The following DCLK1 variants were observed in gnomAD, a reference collection of about 807,000 sequenced individuals.
DCLK1 encodes the protein doublecortin like kinase 1.
A neutral mutation model predicts 86.2 loss-of-function variants in DCLK1; 16 were observed. The ratio of observed to expected loss-of-function variants is 0.19; its 90% confidence interval spans 0.13 to 0.28. DCLK1 has a LOEUF of 0.28. DCLK1 is among the 10% of genes least tolerant of loss of function. DCLK1 has a pLI of 1.00. For missense variants in DCLK1, 590 were observed against 940.2 expected, an observed-to-expected ratio of 0.63 and a Z score of 4.87; for synonymous variants, 369 against 370.5, an observed-to-expected ratio of 1.00 and a Z score of 0.05.
chr13:35,823,290 A>G (rs962599490), intron 10 of DCLK1, among the ~76,000 whole-genome samples: 5 of 152,048 alleles, frequency 3.3e-5, no homozygotes, highest in African/African-American at 9.7e-5. Context: ...TCCTCCAGTG[A>G]GGAACAGGTA....
intron 4 of DCLK1, among the ~76,000 whole-genome samples, chr13:35,930,622 AAACAAAAAC>A (rs1270266355): frequency 6.6e-6 from 1 of 150,966 alleles, no homozygotes; most frequent in African/African-American, 2.5e-5. Context: ...AAACAAAAAC[AAACAAAAAC>A]AAAAAAAACA....
intron 8 of DCLK1, among the ~76,000 whole-genome samples, chr13:35,831,293 TA>T (rs1868940585): frequency 6.6e-6 from 1 of 152,252 alleles, no homozygotes; most frequent in East Asian, 1.9e-4. Flanking sequence ...AAATCCATAA[TA>T]AAAGCCACAT....
chr13:36,071,634 T>C (rs1217839312), intron 3 of DCLK1, among the ~76,000 whole-genome samples: 7 of 152,192 alleles, frequency 4.6e-5, no homozygotes, highest in African/African-American at 1.7e-4. Context: ...GTTATTTCAT[T>C]TAAGTCTCAT....
intron 5 of DCLK1, among the ~76,000 whole-genome samples, chr13:35,863,558 C>T (rs1207516561): frequency 6.6e-6 from 1 of 152,124 alleles, no homozygotes; most frequent in Non-Finnish European, 1.5e-5. Context: ...GAGGGATGAG[C>T]CTTACATGCA....
intron 4 of DCLK1, among the ~76,000 whole-genome samples, chr13:35,889,181 A>G (rs1247933283): frequency 7.9e-5 from 12 of 152,232 alleles, no homozygotes; most frequent in Non-Finnish European, 7.3e-5. Context: ...TCTCTTAGCA[A>G]CAGCAGGATT....
chr13:35,797,156 C>G (rs553442195), intron 15 of DCLK1, among the ~76,000 whole-genome samples: 1 of 152,292 alleles, frequency 6.6e-6, no homozygotes, highest in East Asian at 1.9e-4. Context: ...GCCGTATGAT[C>G]GGCACAGGCT....
intron 3 of DCLK1, among the ~76,000 whole-genome samples, chr13:36,005,510 T>C (rs9601892): frequency 0.15 from 22,483 of 152,120 alleles, 1,746 homozygotes; most frequent in Middle Eastern, 0.18. Flanking sequence ...AGAGAAACAA[T>C]AATAAAATCT....
chr13:36,095,319 TCTCAGC>T (rs930136808), intron 3 of DCLK1, among the ~76,000 whole-genome samples: 3 of 152,028 alleles, frequency 2.0e-5, no homozygotes, highest in Non-Finnish European at 4.4e-5. Context: ...GATTCTCATG[TCTCAGC>T]CTCCTGAGTA....
intron 3 of DCLK1, among the ~76,000 whole-genome samples, chr13:36,087,302 T>C (rs1349484435): frequency 6.6e-6 from 1 of 152,220 alleles, no homozygotes; most frequent in Non-Finnish European, 1.5e-5. Flanking sequence ...TTAAACACTC[T>C]ACATGATAGA....
chr13:35,891,965 C>T (rs1379780820), intron 4 of DCLK1, among the ~76,000 whole-genome samples: 1 of 152,090 alleles, frequency 6.6e-6, no homozygotes, highest in Non-Finnish European at 1.5e-5. Flanking sequence ...TATAATCTTA[C>T]CGCAATGCAG....
At chr13:36,080,621 T>C (rs1395039331) in intron 3 of DCLK1, among the ~76,000 whole-genome samples, 1 of 152,194 alleles carries the variant, frequency 6.6e-6, no homozygotes, top group African/African-American at 2.4e-5. Flanking sequence ...AAAAATAATT[T>C]ATTGATTCTT....
At chr13:35,839,656 T>C in intron 6 of DCLK1, among the ~76,000 whole-genome samples, 1 of 152,188 alleles carries the variant, frequency 6.6e-6, no homozygotes, top group East Asian at 1.9e-4. Context: ...ACCACAACTT[T>C]AGGAGAAAGG....
intron 10 of DCLK1, among the ~76,000 whole-genome samples, chr13:35,826,540 A>AGGAGGG (rs1382422000): frequency 9.7e-5 from 9 of 92,782 alleles, no homozygotes; most frequent in African/African-American, 2.9e-4. Context: ...AAAAAAAAAA[A>AGGAGGG]AAGAAAGAAA....
chr13:36,063,496 C>T (rs1883633713), intron 3 of DCLK1, among the ~76,000 whole-genome samples: 1 of 152,076 alleles, frequency 6.6e-6, no homozygotes, highest in African/African-American at 2.4e-5. Flanking sequence ...TCAGTAACTT[C>T]AAGGCCTTGA....
intron 4 of DCLK1, among the ~76,000 whole-genome samples, chr13:35,939,125 G>A (rs537058583): frequency 2.9e-4 from 44 of 152,194 alleles, no homozygotes; most frequent in African/African-American, 8.9e-4. Context: ...AGCTATGATC[G>A]GGAACGTCTC....
chr13:36,027,840 C>T (rs1882104925), intron 3 of DCLK1, among the ~76,000 whole-genome samples: 1 of 152,160 alleles, frequency 6.6e-6, no homozygotes, highest in Admixed American at 6.5e-5. Flanking sequence ...TCAAGTGACC[C>T]TCCCACCTCA....
At chr13:35,860,431 G>T (rs1020599170) in intron 5 of DCLK1, among the ~76,000 whole-genome samples, 1 of 152,002 alleles carries the variant, frequency 6.6e-6, no homozygotes, top group Non-Finnish European at 1.5e-5. Flanking sequence ...TCACCTCATA[G>T]GTGAGGTGGA....
Position 35,827,883 on chromosome 13 carries a change from A to G in DCLK1, c.1288-129T>C, listed in dbSNP as rs1868614445. 3 of 1,123,438 alleles carry G rather than the reference A, an allele frequency of 2.7e-6. No homozygotes were observed. The South Asian group carries it at 4.6e-5, about 17-fold the overall frequency. The allele number at this position is 1,123,438 out of a possible 1,614,324, so 69.6% of individuals were successfully genotyped here. ...TGGTAAAATGTAATAAGCCTGTCTT[A>G]TATTCTGATATTCAGATATAGCCTA... On this transcript the variant is annotated intron_variant, in intron 9 of 16. Coordinates refer to ENST00000360631, the MANE Select transcript of DCLK1 (RefSeq NM_001330071.2).
intron 3 of DCLK1, among the ~76,000 whole-genome samples, chr13:36,052,975 T>C (rs1199515527): frequency 6.6e-6 from 1 of 152,194 alleles, no homozygotes; most frequent in Non-Finnish European, 1.5e-5. Flanking sequence ...TTACAATCTC[T>C]GAGGCAGTCA....
Sources: gnomAD v4.1 joint callset for allele counts (sites outside exome capture counted in the v4.1 genomes callset) on GRCh38, gnomAD v4.1.1 for gene constraint, MANE v1.5 for transcripts, NCBI Gene and HGNC (gene_info 2026-07-23, HGNC 2026-07-21) for gene names.